AUTS2: variants seen among roughly 807,000 people sequenced by gnomAD.
The protein encoded by AUTS2 is activator of transcription and developmental regulator AUTS2.
In AUTS2, 17 loss-of-function variants were observed where a neutral mutation model predicts 112.4. That is an observed-to-expected ratio of 0.15 (90% CI 0.10 to 0.23). AUTS2 has a LOEUF of 0.23. Ranked by LOEUF, AUTS2 falls within the 10% of genes least tolerant of loss-of-function variation. AUTS2 has a pLI of 1.00. For synonymous variants in AUTS2, 751 were observed against 702.7 expected, an observed-to-expected ratio of 1.07 and a Z score of -1.09; for missense variants, 1,510 against 1,701.6, an observed-to-expected ratio of 0.89 and a Z score of 1.98.
intron 1 of AUTS2, among the ~76,000 whole-genome samples, chr7:69,600,813 G>C (rs967989827): frequency 2.0e-5 from 3 of 151,806 alleles, no homozygotes; most frequent in Non-Finnish European, 2.9e-5. Context: ...CTATCTGAAG[G>C]GCTTGTCACC....
intron 4 of AUTS2, among the ~76,000 whole-genome samples, chr7:70,414,624 G>C (rs960832823): frequency 6.6e-6 from 1 of 152,166 alleles, no homozygotes; most frequent in African/African-American, 2.4e-5. Context: ...AGGTGAGAAA[G>C]AGGATTCTGC....
At chr7:70,177,093 T>A (rs1809028378) in intron 4 of AUTS2, among the ~76,000 whole-genome samples, 1 of 152,210 alleles carries the variant, frequency 6.6e-6, no homozygotes. Context: ...TTAAATCCCG[T>A]GCTTTGCCCT....
At chr7:70,703,722 G>A (rs938134809) in intron 6 of AUTS2, among the ~76,000 whole-genome samples, 3 of 152,126 alleles carry the variant, frequency 2.0e-5, no homozygotes, top group Admixed American at 6.6e-5. Flanking sequence ...CAAACTGCCC[G>A]TTTCAGTCTC....
At chr7:70,437,276 C>T (rs1055170608) in intron 5 of AUTS2, 3 of 152,208 alleles carry the variant, frequency 2.0e-5, no homozygotes, top group Non-Finnish European at 4.4e-5. Flanking sequence ...AGTAGGACTC[C>T]TGGTGTCTCA....
intron 1 of AUTS2, among the ~76,000 whole-genome samples, chr7:69,733,843 A>G (rs1168573486): frequency 6.6e-6 from 1 of 152,150 alleles, no homozygotes; most frequent in African/African-American, 2.4e-5. Context: ...AGGTTTTTTA[A>G]TAGCAAATCC....
chr7:70,662,520 C>G (rs1481856144), intron 5 of AUTS2, among the ~76,000 whole-genome samples: 1 of 152,178 alleles, frequency 6.6e-6, no homozygotes, highest in Non-Finnish European at 1.5e-5. Context: ...GTAACTGTAT[C>G]TAGGGCCTGA....
intron 1 of AUTS2, among the ~76,000 whole-genome samples, chr7:69,881,808 A>G (rs1254429217): frequency 6.6e-6 from 1 of 152,192 alleles, no homozygotes; most frequent in African/African-American, 2.4e-5. Context: ...ATATGGTGCT[A>G]GTATTTCAAG....
rs1047895615 is a variant in AUTS2 at position 69,853,417 on chromosome 7, G to C, written c.310-45869G>C. ...TTCTACTAATTTTCTATGTTCTGAA[G>C]TCTACTTATTTTATTCATGTAGGTA... On this transcript the variant is annotated intron_variant, in intron 1 of 18. Coordinates refer to ENST00000342771, the MANE Select transcript of AUTS2 (RefSeq NM_015570.4). Among the ~76,000 whole-genome samples, 5 of 151,996 alleles carry C rather than the reference G, an allele frequency of 3.3e-5. No individual in the cohort carries two copies. In the South Asian group the frequency reaches 8.3e-4, roughly 25 times the overall value.
chr7:70,631,707 C>T lies in AUTS2; in HGVS notation c.691-66862C>T, dbSNP rs553864388. ...CAGCACCATTTATAGCCCCATGTCC[C>T]CAACCTTAGCCTTTGCACGGTTGGC... On this transcript the variant is annotated intron_variant, in intron 5 of 18. Transcript: ENST00000342771. The surrounding 1 kb of genome is among the most constrained non-coding windows in gnomAD (Gnocchi z 4.5). Among the ~76,000 whole-genome samples the T allele has an allele frequency of 7.5e-4, 114 of 152,256 alleles. No individual in the cohort carries two copies. Among genetic ancestry groups the T allele is most frequent in the South Asian group, 6.7e-3 (32 of 4,810 alleles).
chr7:69,872,831 A>ATTTTTTTTTTTTT (rs1793558367), intron 1 of AUTS2, among the ~76,000 whole-genome samples: 7 of 90,532 alleles, frequency 7.7e-5, no homozygotes, highest in Non-Finnish European at 1.1e-4. Context: ...TGTAGCCTAT[A>ATTTTTTTTTTTTT]TTCTTTTTTT....
intron 5 of AUTS2, among the ~76,000 whole-genome samples, chr7:70,644,924 G>A (rs568768032): frequency 2.6e-5 from 4 of 152,288 alleles, no homozygotes; most frequent in East Asian, 1.9e-4. Context: ...TCCAAGAGGC[G>A]GGCCTCTGGT....
chr7:70,037,593 G>A (rs1801064178), intron 2 of AUTS2, among the ~76,000 whole-genome samples: 1 of 151,756 alleles, frequency 6.6e-6, no homozygotes, highest in South Asian at 2.1e-4. Context: ...TAATTTTTTG[G>A]TAGTTATAAT....
At position 70,790,649 on chromosome 7, in the gene AUTS2, C is replaced by T. The variant is rs752192412; in HGVS notation, c.3433C>T (p.Arg1145Trp). The change falls in exon 19 of 19, where the codon CGG becomes TGG. Residue 1145 changes from arginine (R) to tryptophan (W), a missense_variant. Arg to Trp is a moderately radical substitution (Grantham distance 101). Coordinates refer to ENST00000342771, the MANE Select transcript of AUTS2 (RefSeq NM_015570.4). This position sits in a 1 kb window ranked among gnomAD's most constrained non-coding sequence, Gnocchi z 7.6. The part of the protein sequence containing the change: ...LSVDPRREHE[R>W]GGHLDERERL... ...TGTGGACCCTCGGCGGGAGCACGAG[C>T]GGGGAGGCCACCTGGACGAGCGGGA... The T allele has an allele frequency of 1.9e-6, 3 of 1,612,844 alleles. No homozygotes were observed. Among genetic ancestry groups the T allele is most frequent in the South Asian group, 1.1e-5 (1 of 90,992 alleles).
At chr7:70,375,860 A>G (rs1285597452) in intron 4 of AUTS2, among the ~76,000 whole-genome samples, 2 of 152,122 alleles carry the variant, frequency 1.3e-5, no homozygotes, top group African/African-American at 2.4e-5. Flanking sequence ...CTTGCAACTC[A>G]TTTTAAAACT....
intron 6 of AUTS2, among the ~76,000 whole-genome samples, chr7:70,732,818 T>G (rs1234451720): frequency 6.6e-6 from 1 of 152,214 alleles, no homozygotes; most frequent in East Asian, 1.9e-4. Flanking sequence ...CGTACTGAAG[T>G]ACATTATGCA....
intron 1 of AUTS2, among the ~76,000 whole-genome samples, chr7:69,689,852 A>ATTT (rs748540277): frequency 7.2e-4 from 84 of 116,152 alleles, no homozygotes; most frequent in African/African-American, 2.3e-3. Context: ...TTAATTTTGT[A>ATTT]TTTTTTTTTT....
intron 4 of AUTS2, among the ~76,000 whole-genome samples, chr7:70,416,123 T>G (rs1244469583): frequency 6.6e-6 from 1 of 152,190 alleles, no homozygotes; most frequent in Non-Finnish European, 1.5e-5. Context: ...CTCACTCAGA[T>G]TTTCTCTTAG....
At chr7:69,630,851 C>G (rs1794197399) in intron 1 of AUTS2, among the ~76,000 whole-genome samples, 1 of 151,986 alleles carries the variant, frequency 6.6e-6, no homozygotes, top group South Asian at 2.1e-4. Flanking sequence ...CTAAGTGATT[C>G]TATGGTTAAT....
At chr7:69,609,178 A>G (rs1792887753) in intron 1 of AUTS2, among the ~76,000 whole-genome samples, 1 of 152,186 alleles carries the variant, frequency 6.6e-6, no homozygotes, top group Non-Finnish European at 1.5e-5. Context: ...CTATGAATCT[A>G]GGAGTCTGCT....
Sources: allele counts gnomAD v4.1 joint callset (sites outside exome capture counted in the v4.1 genomes callset), GRCh38; gene constraint gnomAD v4.1.1; non-coding constraint Gnocchi (gnomAD v3.1); transcripts MANE v1.5; gene names NCBI Gene and HGNC (gene_info 2026-07-23, HGNC 2026-07-21).